The following SYT7 variants were observed in gnomAD, a reference collection of about 807,000 sequenced individuals.
The protein encoded by SYT7 is synaptotagmin-7.
A neutral mutation model predicts 75.1 loss-of-function variants in SYT7; 29 were observed. That is an observed-to-expected ratio of 0.39 (90% CI 0.29 to 0.53). The LOEUF (loss-of-function observed/expected upper bound fraction) is 0.53. Ranked by LOEUF, SYT7 falls within the 20% of genes least tolerant of loss-of-function variation. SYT7 has a pLI of 0.77. For synonymous variants in SYT7, 376 were observed against 401.7 expected (o/e 0.94, Z 0.76); for missense variants, 693 against 953.2 (o/e 0.73, Z 3.59).
Position 61,524,063 on chromosome 11 carries a change from T to C in SYT7, c.1642-122A>G. ...CTTACCCATGCCCCTGTCTGTCACC[T>C]CTGTCTCACTCTGTCTCCCCCCATC... On this transcript the variant is annotated intron_variant, in intron 10 of 12. Coordinates refer to ENST00000539008, the MANE Select transcript of SYT7 (RefSeq NM_001365809.2). The surrounding 1 kb of genome is among the most constrained non-coding windows in gnomAD (Gnocchi z 4.1). 1 of 851,162 alleles carries C rather than the reference T, an allele frequency of 1.2e-6. No homozygotes were observed. The highest frequency in any genetic ancestry group is 1.6e-5 in the South Asian group (1 of 62,256). 52.7% of individuals were successfully genotyped at this position (851,162 alleles called of 1,614,324 possible).
chr11:61,517,522 T>C lies in SYT7; in HGVS notation c.*1105A>G, dbSNP rs1405988083. ...TGGAAGGTCTACAAGCATTGGGGGA[T>C]GGAGGGGTGGAGGAAAGAAGGGTGG... is the stretch of plus-strand genomic sequence containing the variant. On this transcript the variant is annotated 3_prime_UTR_variant, in exon 13 of 13. Transcript: ENST00000539008. The C allele has an allele frequency of 2.5e-6, 1 of 398,436 alleles. No homozygotes were observed. The highest frequency in any genetic ancestry group is 4.4e-6 in the Non-Finnish European group (1 of 226,368). The allele number at this position is 398,436 out of a possible 1,614,324, so 24.7% of individuals were successfully genotyped here.
chr11:61,553,412 G>T lies in SYT7; in HGVS notation c.136-1949C>A, dbSNP rs1248497268. 6.6e-6 allele frequency among the ~76,000 whole-genome samples: 1 copy of T among 152,178 alleles called. No individual in the cohort carries two copies. The highest frequency in any genetic ancestry group is 1.5e-5 in the Non-Finnish European group (1 of 68,032). On this transcript the variant is annotated intron_variant, in intron 2 of 12. Transcript: ENST00000539008. The surrounding 1 kb of genome is among the most constrained non-coding windows in gnomAD (Gnocchi z 5.2). ...TGGCTTGGCAGGAGAGCTTGCCCTG[G>T]CCAGCACCCTCTCGTAAGGCAGGGC...
In SYT7 at chr11:61,515,066, T is replaced by C. The variant is rs2062116236; in HGVS notation, c.*3561A>G. Among the ~76,000 whole-genome samples the C allele has an allele frequency of 6.6e-6, 1 of 152,250 alleles. No homozygotes were observed. Among genetic ancestry groups the C allele is most frequent in the African/African-American group, 2.4e-5 (1 of 41,468 alleles). ...AGGACTCTACTCCCAAAAAGCCTTGTGTCAGGCCTGATCTGGGAGATGTAG... is the reference window on the plus strand; with the variant it reads ...AGGACTCTACTCCCAAAAAGCCTTGCGTCAGGCCTGATCTGGGAGATGTAG... On this transcript the variant is annotated 3_prime_UTR_variant, in exon 13 of 13. Coordinates refer to ENST00000539008, the MANE Select transcript of SYT7 (RefSeq NM_001365809.2).
chr11:61,567,048 C>T (rs1272552960), intron 1 of SYT7, among the ~76,000 whole-genome samples: 2 of 152,160 alleles, frequency 1.3e-5, no homozygotes, highest in Admixed American at 6.5e-5. Flanking sequence ...TTAATTTTTG[C>T]AAGCTCAAAG....
intron 8 of SYT7, 139 bp from the exon 9 acceptor site, chr11:61,528,324 G>A: frequency 9.2e-7 from 1 of 1,084,938 alleles, no homozygotes; most frequent in Admixed American, 2.6e-5. Flanking sequence ...CTCAGGCTCA[G>A]AGGGCAGGTG....
intron 7 of SYT7, among the ~76,000 whole-genome samples, chr11:61,535,814 G>C (rs1275787048): frequency 6.6e-6 from 1 of 152,158 alleles, no homozygotes; most frequent in Non-Finnish European, 1.5e-5. Context: ...CCTTCCTCCA[G>C]AGACATCTGG....
chr11:61,518,475 G>A lies in SYT7; in HGVS notation c.*152C>T. 1 of 493,432 alleles carries A rather than the reference G, an allele frequency of 2.0e-6. No homozygotes were observed. Among genetic ancestry groups the A allele is most frequent in the Non-Finnish European group, 3.6e-6 (1 of 280,838 alleles). 30.6% of individuals were successfully genotyped at this position (493,432 alleles called of 1,614,324 possible). A position where few individuals can be genotyped will look rare whatever the true frequency, so the allele number is the denominator to read the frequency against. Reference sequence around the variant, plus strand: ...TGGGGCTGGTACTTCCTAGAAACGGGGCCCAGTTGAGTCCTGGGACCCCTC... The same window carrying A: ...TGGGGCTGGTACTTCCTAGAAACGGAGCCCAGTTGAGTCCTGGGACCCCTC... On this transcript the variant is annotated 3_prime_UTR_variant, in exon 13 of 13. Transcript: ENST00000539008.
chr11:61,547,411 A>T, intron 3 of SYT7, 103 bp from the exon 4 acceptor site: 2 of 1,377,534 alleles, frequency 1.5e-6, no homozygotes, highest in Non-Finnish European at 9.8e-7. Context: ...GGGGCCGGGC[A>T]CACAGTGGGC....
chr11:61,582,509 C>CCA (rs947360820), upstream of SYT7, among the ~76,000 whole-genome samples: 2 of 151,348 alleles, frequency 1.3e-5, no homozygotes, highest in Non-Finnish European at 3.0e-5. Context: ...CCAACAACCA[C>CCA]CACACACACA....
chr11:61,580,850 T>C lies in SYT7; in HGVS notation c.-30A>G, dbSNP rs1293898343. The stretch of plus-strand genomic sequence containing the variant: ...CCCTCGTCGCCGGTTCCCTCCGGGC[T>C]CCTCAGAGCCGCCCGCGGCCGCGCG... On this transcript the variant is annotated 5_prime_UTR_variant, in exon 1 of 13. Transcript: ENST00000539008. This position sits in a 1 kb window ranked among gnomAD's most constrained non-coding sequence, Gnocchi z 6.1. The C allele has an allele frequency of 8.3e-7, 1 of 1,208,480 alleles. No homozygotes were observed. The highest frequency in any genetic ancestry group is 1.6e-5 in the African/African-American group (1 of 62,810). The allele number at this position is 1,208,480 out of a possible 1,614,324, so 74.9% of individuals were successfully genotyped here.
upstream of SYT7, chr11:61,581,268 G>A (rs2064265416): frequency 2.0e-5 from 3 of 147,486 alleles, no homozygotes; most frequent in East Asian, 2.0e-4. Flanking sequence ...CCGCCCCGAG[G>A]GCACGGCCGC....
chr11:61,538,139 C>T lies in SYT7; in HGVS notation c.1064+5G>A, dbSNP rs150058622. 17 of 1,535,954 alleles carry T rather than the reference C, an allele frequency of 1.1e-5. No homozygotes were observed. The East Asian group carries it at 2.4e-4, about 22-fold the overall frequency. The stretch of plus-strand genomic sequence containing the variant: ...GCCGCCGCAGGCCCTCGCCTGTGCT[C>T]GTACCTCTTGTCCCCCTGAGCGTTC... On this transcript the variant is annotated splice_donor_5th_base_variant and intron_variant, in intron 7 of 12. Transcript: ENST00000539008.
chr11:61,539,366 C>G (rs1259202363), intron 6 of SYT7: 7 of 152,262 alleles, frequency 4.6e-5, no homozygotes. Context: ...CGAGGTTACC[C>G]GCATTTGCCA....
rs1484572618 is a variant in SYT7 at position 61,542,271 on chromosome 11, C to T, written c.881G>A (p.Gly294Asp). 6.5e-7 allele frequency: 1 copy of T among 1,535,124 alleles called. No individual in the cohort carries two copies. Among genetic ancestry groups the T allele is most frequent in the Non-Finnish European group, 8.7e-7 (1 of 1,146,494 alleles). Reference protein sequence around the residue: ...AAGGRSRSNPGSWDHVVGQIR... With the variant: ...AAGGRSRSNPDSWDHVVGQIR... Reference sequence around the variant, plus strand: ...CTGCCCCACCACGTGGTCCCAGCTGCCTGGGTTGGAGCGGCTGCGGCCCCC... The same window carrying T: ...CTGCCCCACCACGTGGTCCCAGCTGTCTGGGTTGGAGCGGCTGCGGCCCCC... The change falls in exon 6 of 13, where the codon GGC (glycine) becomes GAC (aspartate). Residue 294 changes from glycine (G) to aspartate (D), a missense_variant. Transcript: ENST00000539008. This position sits in a 1 kb window ranked among gnomAD's most constrained non-coding sequence, Gnocchi z 7.8.
chr11:61,575,544 C>A (rs1028503121), intron 1 of SYT7, among the ~76,000 whole-genome samples: 4 of 152,208 alleles, frequency 2.6e-5, no homozygotes, highest in Non-Finnish European at 4.4e-5. Context: ...CCCATGATCA[C>A]CCCCGTCCAC....
chr11:61,567,629 G>C (rs956817845), intron 1 of SYT7, among the ~76,000 whole-genome samples: 12 of 152,350 alleles, frequency 7.9e-5, no homozygotes, highest in Middle Eastern at 6.8e-3. Context: ...CCTGACTCAG[G>C]ACAAAAAGGG....
At chr11:61,562,043 CAT>C (rs1207235831) in intron 1 of SYT7, among the ~76,000 whole-genome samples, 2 of 149,828 alleles carry the variant, frequency 1.3e-5, no homozygotes, top group Non-Finnish European at 2.9e-5. Context: ...CATGCACACA[CAT>C]ATGCACACAC....
rs996431392 is a variant in SYT7 at position 61,513,777 on chromosome 11, A to G, written c.*4850T>C. The stretch of plus-strand genomic sequence containing the variant: ...CGTGCCACATGGAACATGTATGCAG[A>G]CAGGGATCCCTGCCCAGGGGGCTCA... On this transcript the variant is annotated 3_prime_UTR_variant, in exon 13 of 13. Transcript: ENST00000539008. Among the ~76,000 whole-genome samples, 9 of 152,224 alleles carry G rather than the reference A, an allele frequency of 5.9e-5. No homozygotes were observed. Among genetic ancestry groups the G allele is most frequent in the Non-Finnish European group, 1.2e-4 (8 of 68,042 alleles).
At chr11:61,575,768 C>G (rs921522957) in intron 1 of SYT7, among the ~76,000 whole-genome samples, 3 of 152,188 alleles carry the variant, frequency 2.0e-5, no homozygotes, top group African/African-American at 7.2e-5. Flanking sequence ...TACAAATACA[C>G]TCATTAGCTG....
Sources: allele counts gnomAD v4.1 joint callset (sites outside exome capture counted in the v4.1 genomes callset), GRCh38; gene constraint gnomAD v4.1.1; non-coding constraint Gnocchi (gnomAD v3.1); transcripts MANE v1.5; gene names NCBI Gene and HGNC (gene_info 2026-07-23, HGNC 2026-07-21).